Variants in ATP2A2 observed in about 807,000 individuals in gnomAD.
The protein encoded by ATP2A2 is sarcoplasmic/endoplasmic reticulum calcium ATPase 2.
ATP2A2 carries 14 observed loss-of-function variants against 109.3 expected under a neutral mutation model. That is an observed-to-expected ratio of 0.13 (90% CI 0.08 to 0.20). The LOEUF (loss-of-function observed/expected upper bound fraction) is 0.20. Ranked by LOEUF, ATP2A2 falls within the 10% of genes least tolerant of loss-of-function variation. The pLI is 1.00. For synonymous variants in ATP2A2, 506 were observed against 490.9 expected (o/e 1.03, Z -0.41); for missense variants, 657 against 1,321.6 (o/e 0.50, Z 7.80).
chr12:110,347,688 ATGTT>A lies in ATP2A2; in HGVS notation c.*1221_*1224del. The A allele has an allele frequency of 2.6e-6, 3 of 1,170,112 alleles. No homozygotes were observed. Among genetic ancestry groups the A allele is most frequent in the Non-Finnish European group, 3.2e-6 (3 of 932,140 alleles). 72.5% of individuals were successfully genotyped at this position (1,170,112 alleles called of 1,614,324 possible). On this transcript the variant is annotated 3_prime_UTR_variant, in exon 20 of 20. Coordinates refer to ENST00000539276, the MANE Select transcript of ATP2A2 (RefSeq NM_170665.4). ...ACCACCACCACCGTTACTACGATCA[ATGTT>A]TGCGCATGTTCGAGATGAGTCTCAC...
intron 9 of ATP2A2, 70 bp downstream of exon 9, chr12:110,332,755 G>A: frequency 1.5e-6 from 2 of 1,316,144 alleles, no homozygotes; most frequent in Non-Finnish European, 2.2e-6. Context: ...TTTGCAGCAT[G>A]TCTACAAAGT....
rs532648320 is a variant in ATP2A2 at position 110,336,334 on chromosome 12, G to A, written c.1419+2191G>A. Among the ~76,000 whole-genome samples, 58 of 152,290 alleles carry A rather than the reference G, an allele frequency of 3.8e-4. 1 individual carries two copies. Among genetic ancestry groups the A allele is most frequent in the African/African-American group, 1.3e-3 (54 of 41,562 alleles). ...CCTTTTCTAGTTGTCATACACAGCTGTATAAAGGCAAGCCTCATTTAGCAA... is the reference window on the plus strand; with the variant it reads ...CCTTTTCTAGTTGTCATACACAGCTATATAAAGGCAAGCCTCATTTAGCAA... On this transcript the variant is annotated intron_variant, in intron 11 of 19. Transcript: ENST00000539276.
chr12:110,342,206 C>T lies in ATP2A2; in HGVS notation c.2098-22C>T. ...AATGTGGCATGCCAGTTGGCTGACCCAACCATTGCTTTCCCTTTCAGACTG... is the reference window on the plus strand; with the variant it reads ...AATGTGGCATGCCAGTTGGCTGACCTAACCATTGCTTTCCCTTTCAGACTG... On this transcript the variant is annotated intron_variant, in intron 14 of 19. Coordinates refer to ENST00000539276, the MANE Select transcript of ATP2A2 (RefSeq NM_170665.4). This position sits in a 1 kb window ranked among gnomAD's most constrained non-coding sequence, Gnocchi z 4.6. 4 of 1,614,134 alleles carry T rather than the reference C, an allele frequency of 2.5e-6. No individual in the cohort carries two copies. Among genetic ancestry groups the T allele is most frequent in the Non-Finnish European group, 3.4e-6 (4 of 1,179,966 alleles).
intron 5 of ATP2A2, among the ~76,000 whole-genome samples, chr12:110,313,105 C>A (rs767549515): frequency 6.6e-6 from 1 of 152,040 alleles, no homozygotes; most frequent in African/African-American, 2.4e-5. Flanking sequence ...ACCATCAGAC[C>A]ATGATAGGCC....
chr12:110,327,709 G>T lies in ATP2A2; in HGVS notation c.787G>T (p.Val263Phe). The T allele has an allele frequency of 1.2e-6, 2 of 1,614,158 alleles. No individual in the cohort carries two copies. The highest frequency in any genetic ancestry group is 1.7e-6 in the Non-Finnish European group (2 of 1,180,032). ...TGAATTTGGGGAACAGCTTTCCAAA[G>T]TCATCTCCCTTATTTGCATTGCAGT... Reference protein sequence around the residue: ...LDEFGEQLSKVISLICIAVWI... With the variant: ...LDEFGEQLSKFISLICIAVWI... Residue 263 changes from valine to phenylalanine, a missense_variant, in exon 8 of 20, where the codon GTC becomes TTC. Physicochemically the swap from Val to Phe is conservative, Grantham distance 50. This residue lies in a region of ATP2A2 where 136 missense variants were observed against 343.9 expected (regional missense o/e 0.40). Transcript: ENST00000539276. This position sits in a 1 kb window ranked among gnomAD's most constrained non-coding sequence, Gnocchi z 4.4.
chr12:110,334,171 C>G, intron 11 of ATP2A2, 28 bp downstream of exon 11: 8 of 1,612,822 alleles, frequency 5.0e-6, no homozygotes, highest in Non-Finnish European at 6.8e-6. Flanking sequence ...GTTTATTGTT[C>G]ATGCTGCTTA....
In ATP2A2 at chr12:110,340,571, T is replaced by C; in HGVS notation, c.1762-88T>C. 2 of 1,361,524 alleles carry C rather than the reference T, an allele frequency of 1.5e-6. No homozygotes were observed. The highest frequency in any genetic ancestry group is 2.1e-6 in the Non-Finnish European group (2 of 974,958). The allele number at this position is 1,361,524 out of a possible 1,614,324, so 84.3% of individuals were successfully genotyped here. A position where few individuals can be genotyped will look rare whatever the true frequency, so the allele number is the denominator to read the frequency against. On this transcript the variant is annotated intron_variant, in intron 13 of 19. Coordinates refer to ENST00000539276, the MANE Select transcript of ATP2A2 (RefSeq NM_170665.4). This position sits in a 1 kb window ranked among gnomAD's most constrained non-coding sequence, Gnocchi z 6.0. ...AAAAAAGAAAAAAAATGCAGAAACC[T>C]GTCTCAATGTTTAACTGGGCATTTT...
chr12:110,317,795 A>C (rs1015003436), intron 5 of ATP2A2, among the ~76,000 whole-genome samples: 1 of 152,230 alleles, frequency 6.6e-6, no homozygotes, highest in African/African-American at 2.4e-5. Flanking sequence ...CAAACTGATA[A>C]TTTAATGAAC....
intron 6 of ATP2A2, among the ~76,000 whole-genome samples, chr12:110,324,461 G>GC (rs971756883): frequency 6.6e-6 from 1 of 151,724 alleles, no homozygotes; most frequent in African/African-American, 2.4e-5. Flanking sequence ...TCGCTCTGTT[G>GC]CCCAGGCTAT....
At chr12:110,317,073 T>A (rs1252118486) in intron 5 of ATP2A2, among the ~76,000 whole-genome samples, 3 of 152,170 alleles carry the variant, frequency 2.0e-5, no homozygotes, top group Non-Finnish European at 2.9e-5. Context: ...TGGAAGTAGT[T>A]TAAAGTAGTC....
chr12:110,316,652 G>C (rs866107837), intron 5 of ATP2A2, among the ~76,000 whole-genome samples: 1 of 152,170 alleles, frequency 6.6e-6, no homozygotes, highest in Non-Finnish European at 1.5e-5. Context: ...TGGAGCTTTT[G>C]GTTTTAGTGG....
rs190102375 is a variant in ATP2A2 at position 110,286,295 on chromosome 12, A to G, written c.219+3500A>G. ...GTAGAATTTTCTGAAAATACATGAG[A>G]TCTTTTTACTGTAGTTTCTCAGAAG... On this transcript the variant is annotated intron_variant, in intron 3 of 19. Coordinates refer to ENST00000539276, the MANE Select transcript of ATP2A2 (RefSeq NM_170665.4). Among the ~76,000 whole-genome samples, 89 of 152,266 alleles carry G rather than the reference A, an allele frequency of 5.8e-4. 1 individual carries two copies. The highest frequency in any genetic ancestry group is 2.1e-3 in the African/African-American group (88 of 41,542).
intron 5 of ATP2A2, among the ~76,000 whole-genome samples, chr12:110,306,506 G>A (rs1202852002): frequency 6.6e-6 from 1 of 151,806 alleles, no homozygotes; most frequent in Non-Finnish European, 1.5e-5. Flanking sequence ...TTCAGCCCTC[G>A]CCCCTCTTTC....
At position 110,281,518 on chromosome 12, in the gene ATP2A2, G is replaced by A. The variant is rs1036061502; in HGVS notation, c.-272G>A. ...CCTCCCGGCGGGCGGCTGAGGGCGA[G>A]GGAGGCCCTCCCTTCTGGCGAGGGG... On this transcript the variant is annotated 5_prime_UTR_variant, in exon 1 of 20. Transcript: ENST00000539276. 9 of 207,844 alleles carry A rather than the reference G, an allele frequency of 4.3e-5. No individual in the cohort carries two copies. The highest frequency in any genetic ancestry group is 2.1e-4 in the African/African-American group (9 of 42,804). 12.9% of individuals were successfully genotyped at this position (207,844 alleles called of 1,614,324 possible).
intron 5 of ATP2A2, among the ~76,000 whole-genome samples, chr12:110,321,686 C>T (rs993528535): frequency 2.0e-4 from 31 of 152,238 alleles, no homozygotes; most frequent in African/African-American, 6.0e-4. Flanking sequence ...CCTCCCGCCT[C>T]AGCCTCCCAA....
intron 3 of ATP2A2, among the ~76,000 whole-genome samples, chr12:110,288,497 C>T (rs3887669): frequency 0.042 from 6,320 of 151,940 alleles, 181 homozygotes; most frequent in Middle Eastern, 0.061. Flanking sequence ...CTCTGCCTCC[C>T]GGGGTCAAGC....
intron 5 of ATP2A2, among the ~76,000 whole-genome samples, chr12:110,300,692 C>T (rs1180238406): frequency 1.4e-5 from 2 of 145,266 alleles, no homozygotes; most frequent in African/African-American, 2.6e-5. Context: ...GCTTTGTTGT[C>T]CAGGCTGGTC....
At chr12:110,312,908 A>C (rs1209324498) in intron 5 of ATP2A2, among the ~76,000 whole-genome samples, 1 of 152,124 alleles carries the variant, frequency 6.6e-6, no homozygotes, top group African/African-American at 2.4e-5. Context: ...TTGTTCTGTA[A>C]ATCCTGGAAG....
At chr12:110,333,154 C>T (rs1442170901) in intron 9 of ATP2A2, 27 bp from the exon 10 acceptor site, 1 of 1,584,278 alleles carries the variant, frequency 6.3e-7, no homozygotes, top group South Asian at 1.1e-5. Context: ...CCATACCCTG[C>T]TCTAAGAGTG....
Sources: allele counts gnomAD v4.1 joint callset (sites outside exome capture counted in the v4.1 genomes callset), GRCh38; gene constraint gnomAD v4.1.1; regional missense constraint gnomAD v4.1.1; non-coding constraint Gnocchi (gnomAD v3.1); transcripts MANE v1.5; gene names NCBI Gene and HGNC (gene_info 2026-07-23, HGNC 2026-07-21).